DCDC1: variants seen among roughly 807,000 people sequenced by gnomAD.
The protein encoded by DCDC1 is doublecortin domain containing 1, also known as doublecortin domain-containing protein 1.
Under a neutral mutation model 178.3 loss-of-function variants are expected in DCDC1, and 200 were observed. That is an observed-to-expected ratio of 1.12 (90% CI 1.00 to 1.26). The LOEUF (loss-of-function observed/expected upper bound fraction) is 1.26, where lower values mean the gene tolerates loss of function less well. DCDC1 is among the 50% of genes most tolerant of loss of function. The pLI, the probability that DCDC1 is intolerant of heterozygous loss-of-function variation, is 0.00. For missense variants in DCDC1, 1,983 were observed against 1,749.2 expected, an observed-to-expected ratio of 1.13 and a Z score of -2.38; for synonymous variants, 690 against 604.8, an observed-to-expected ratio of 1.14 and a Z score of -2.07.
At chr11:31,148,322 G>A (rs754606347) in intron 9 of DCDC1, among the ~76,000 whole-genome samples, 38 of 151,756 alleles carry the variant, frequency 2.5e-4, no homozygotes, top group African/African-American at 8.5e-4. Context: ...CGAAGTGGGC[G>A]GATCACGTGA....
At position 30,952,482 on chromosome 11, in the gene DCDC1, T is replaced by G. The variant is rs781147726; in HGVS notation, c.2678A>C (p.Tyr893Ser). 6.3e-7 allele frequency: 1 copy of G among 1,585,276 alleles called. No homozygotes were observed. The highest frequency in any genetic ancestry group is 8.5e-7 in the Non-Finnish European group (1 of 1,170,128). The change falls in exon 21 of 39, where the codon TAC becomes TCC. Residue 893 changes from tyrosine to serine, a missense_variant. Transcript: ENST00000684477. ...GCCACTGGGAAGGACAGGCCACATGTAGGTAAGCTTGTTCCATAGAGGATT... is the reference window on the plus strand; with the variant it reads ...GCCACTGGGAAGGACAGGCCACATGGAGGTAAGCTTGTTCCATAGAGGATT... ...VENPLWNKLT[Y>S]MWPVLPSGQL...
chr11:31,209,348 A>C (rs1413962225), intron 9 of DCDC1, among the ~76,000 whole-genome samples: 2 of 152,212 alleles, frequency 1.3e-5, no homozygotes, highest in Non-Finnish European at 2.9e-5. Flanking sequence ...GGAGAACACA[A>C]GGAATAGTCT....
At chr11:30,929,160 A>G (rs1946771849) in intron 22 of DCDC1, among the ~76,000 whole-genome samples, 2 of 152,124 alleles carry the variant, frequency 1.3e-5, no homozygotes, top group Non-Finnish European at 2.9e-5. Context: ...AGGCCTATGT[A>G]GGCCCTTAAT....
At chr11:30,881,333 T>C in intron 36 of DCDC1, 25 bp from the exon 37 acceptor site, 1 of 1,610,934 alleles carries the variant, frequency 6.2e-7, no homozygotes, top group African/African-American at 1.3e-5. Flanking sequence ...GACAGCCACA[T>C]TTGAATACGG....
At chr11:31,329,881 G>A (rs991848522) in intron 2 of DCDC1, among the ~76,000 whole-genome samples, 8 of 152,150 alleles carry the variant, frequency 5.3e-5, no homozygotes, top group African/African-American at 1.9e-4. Flanking sequence ...TGTCTTTATA[G>A]CAGCATGATT....
chr11:31,209,264 TTAAA>T (rs1284229362), intron 9 of DCDC1, among the ~76,000 whole-genome samples: 1 of 152,276 alleles, frequency 6.6e-6, no homozygotes, highest in African/African-American at 2.4e-5. Context: ...TGTCCTGGAC[TTAAA>T]TAAGTTAAGT....
chr11:30,878,626 T>C lies in DCDC1; in HGVS notation c.5319A>G (p.Ser1773=). 1 of 1,611,072 alleles carries C rather than the reference T, an allele frequency of 6.2e-7. No individual in the cohort carries two copies. The highest frequency in any genetic ancestry group is 8.5e-7 in the Non-Finnish European group (1 of 1,178,706). ...CCAGAGACAGCAGCTTCGTGGATGGTGACACCACAATGTCTGTGGCTTGAG... is the reference window on the plus strand; with the variant it reads ...CCAGAGACAGCAGCTTCGTGGATGGCGACACCACAATGTCTGTGGCTTGAG... ...QGPQATDIVV[S]PSTKLLSLAH... Residue 1773 remains serine, a synonymous_variant, in exon 38 of 39, where the codon TCA becomes TCG. Transcript: ENST00000684477.
chr11:30,989,536 A>G (rs1017257190), intron 20 of DCDC1, among the ~76,000 whole-genome samples: 7 of 152,170 alleles, frequency 4.6e-5, no homozygotes, highest in Non-Finnish European at 1.0e-4. Context: ...AAATGCAACC[A>G]TATTGCATCA....
At chr11:31,085,538 TTG>T (rs1957420273) in intron 17 of DCDC1, among the ~76,000 whole-genome samples, 1 of 152,194 alleles carries the variant, frequency 6.6e-6, no homozygotes, top group Non-Finnish European at 1.5e-5. Flanking sequence ...CGTAATTACT[TTG>T]AGATTCATCT....
intron 1 of DCDC1, among the ~76,000 whole-genome samples, chr11:31,359,948 T>G (rs1293781982): frequency 6.6e-6 from 1 of 152,208 alleles, no homozygotes; most frequent in Admixed American, 6.5e-5. Flanking sequence ...CTCATTCCTT[T>G]ATGTGTATGA....
At chr11:31,174,612 G>T (rs1446889656) in intron 9 of DCDC1, among the ~76,000 whole-genome samples, 1 of 152,186 alleles carries the variant, frequency 6.6e-6, no homozygotes, top group Non-Finnish European at 1.5e-5. Flanking sequence ...CAGGCCCATG[G>T]ACTGGAGTGG....
intron 20 of DCDC1, among the ~76,000 whole-genome samples, chr11:31,026,228 T>C (rs1953223468): frequency 6.6e-6 from 1 of 151,738 alleles, no homozygotes; most frequent in Non-Finnish European, 1.5e-5. Context: ...AGGCCATAAA[T>C]ATAGGACTTA....
At chr11:30,913,217 C>T (rs1468916488) in intron 27 of DCDC1, among the ~76,000 whole-genome samples, 1 of 151,744 alleles carries the variant, frequency 6.6e-6, no homozygotes, top group African/African-American at 2.4e-5. Flanking sequence ...GTCAGGAGAT[C>T]AGACCACGAT....
At position 31,180,385 on chromosome 11, in the gene DCDC1, C is replaced by A. The variant is rs1490125659; in HGVS notation, c.1222-42601G>T. ...ATCATTATATAACATAGATATATAT[C>A]AAAACATTAAATTGGGGGGCTGGCA... On this transcript the variant is annotated intron_variant, in intron 9 of 38. Transcript: ENST00000684477. Among the ~76,000 whole-genome samples the A allele has an allele frequency of 8.5e-5, 13 of 152,066 alleles. No individual in the cohort carries two copies. The East Asian group carries it at 2.1e-3, about 25-fold the overall frequency.
chr11:31,270,957 CTA>C (rs1451186285), intron 7 of DCDC1, among the ~76,000 whole-genome samples: 1 of 152,214 alleles, frequency 6.6e-6, no homozygotes, highest in Non-Finnish European at 1.5e-5. Flanking sequence ...ATCAACATTA[CTA>C]TCATTCATGA....
rs1429577811 is a variant in DCDC1 at position 31,358,721 on chromosome 11, A to T, written c.-125+10976T>A. 4.0e-4 allele frequency among the ~76,000 whole-genome samples: 61 copies of T among 152,236 alleles called. 1 individual carries two copies. Among genetic ancestry groups the T allele is most frequent in the South Asian group, 2.1e-4 (1 of 4,820 alleles). ...AAGGGCTAATATCCAGAATCCACAA[A>T]GAACTCAAACAAATTTACAAGAAAA... On this transcript the variant is annotated intron_variant, in intron 1 of 38. Transcript: ENST00000684477.
chr11:30,879,492 T>C (rs1034377138), intron 37 of DCDC1, among the ~76,000 whole-genome samples: 5 of 152,168 alleles, frequency 3.3e-5, no homozygotes, highest in South Asian at 2.1e-4. Context: ...CTGGAACATA[T>C]ATAGCTCATT....
intron 20 of DCDC1, among the ~76,000 whole-genome samples, chr11:30,997,435 C>T (rs1297437135): frequency 6.6e-6 from 1 of 151,984 alleles, no homozygotes; most frequent in Non-Finnish European, 1.5e-5. Context: ...AACATAACCT[C>T]ACTGAAGGGG....
chr11:31,214,132 A>C (rs2136590645), intron 9 of DCDC1, among the ~76,000 whole-genome samples: 1 of 152,262 alleles, frequency 6.6e-6, no homozygotes, highest in East Asian at 1.9e-4. Context: ...TTTTATCAAA[A>C]TAAGGTGAAT....
Sources: allele counts gnomAD v4.1 joint callset (sites outside exome capture counted in the v4.1 genomes callset), GRCh38; gene constraint gnomAD v4.1.1; transcripts MANE v1.5; gene names NCBI Gene and HGNC (gene_info 2026-07-23, HGNC 2026-07-21).